The following TENM3 variants were observed in gnomAD, a reference collection of about 807,000 sequenced individuals.
TENM3 encodes teneurin transmembrane protein 3.
In TENM3, 63 loss-of-function variants were observed where a neutral mutation model predicts 255.1. The observed-to-expected ratio is 0.25, with a 90% CI of 0.20 to 0.30. The LOEUF (loss-of-function observed/expected upper bound fraction) is 0.30, where lower values mean the gene tolerates loss of function less well. Ranked by LOEUF, TENM3 falls within the 10% of genes least tolerant of loss-of-function variation. TENM3 has a pLI of 1.00. For synonymous variants in TENM3, 1,306 were observed against 1,322.3 expected, an observed-to-expected ratio of 0.99 and a Z score of 0.27; for missense variants, 2,929 against 3,461.1, an observed-to-expected ratio of 0.85 and a Z score of 3.86.
At chr4:181,941,311 G>GTTT in the TENM3 span, among the ~76,000 whole-genome samples, 4,163 of 119,558 alleles carry the variant, frequency 0.035, 110 homozygotes, top group African/African-American at 0.082. Flanking sequence ...TTTGTTTGAT[G>GTTT]TTTTTTTTTT....
rs760638289 is a variant in TENM3, at chr4:182,774,963, G to A, written c.5114G>A (p.Arg1705Lys). Residue 1705 changes from arginine to lysine, a missense_variant, in exon 24 of 28, where the codon AGA becomes AAA. This residue lies in a region of TENM3 where 1,608 missense variants were observed against 1,884.4 expected (regional missense o/e 0.85). Coordinates refer to ENST00000511685, the MANE Select transcript of TENM3 (RefSeq NM_001080477.4). ...SYQIGYDGSL[R>K]IIYASGLDSH... ...CAGATTGGTTATGACGGCTCCCTCA[G>A]AATTATCTACGCCAGTGGCCTGGAC... 6.2e-7 allele frequency: 1 copy of A among 1,613,870 alleles called. No homozygotes were observed. The highest frequency in any genetic ancestry group is 8.5e-7 in the Non-Finnish European group (1 of 1,179,824).
the TENM3 span, among the ~76,000 whole-genome samples, chr4:181,497,612 C>G: frequency 0.87 from 131,690 of 152,182 alleles, 57,255 homozygotes; most frequent in South Asian, 0.96. Flanking sequence ...TGGAGGAAGG[C>G]TGTTCAAATC....
At chr4:182,779,369 C>A (rs2152807123) in intron 24 of TENM3, among the ~76,000 whole-genome samples, 1 of 152,238 alleles carries the variant, frequency 6.6e-6, no homozygotes, top group South Asian at 2.1e-4. Flanking sequence ...TCATCCATGT[C>A]CCTACAAAGG....
intron 1 of TENM3, among the ~76,000 whole-genome samples, chr4:182,193,558 T>C (rs951497793): frequency 6.6e-6 from 1 of 152,254 alleles, no homozygotes; most frequent in Non-Finnish European, 1.5e-5. Flanking sequence ...AATAGCGTCC[T>C]GGCGTACATT....
chr4:181,656,587 T>C, the TENM3 span, among the ~76,000 whole-genome samples: 1 of 152,016 alleles, frequency 6.6e-6, no homozygotes, highest in Non-Finnish European at 1.5e-5. Flanking sequence ...TTTGAAAGGA[T>C]CCATCAGGCA....
the TENM3 span, among the ~76,000 whole-genome samples, chr4:182,111,384 A>G: frequency 1.3e-5 from 2 of 152,120 alleles, no homozygotes; most frequent in Non-Finnish European, 2.9e-5. Flanking sequence ...TTCATGGATC[A>G]TAGACATGAT....
chr4:182,339,983 T>C (rs1309510870), intron 2 of TENM3, among the ~76,000 whole-genome samples: 2 of 152,200 alleles, frequency 1.3e-5, no homozygotes, highest in Non-Finnish European at 2.9e-5. Flanking sequence ...GGTTGCCCCA[T>C]TAAATCCTTC....
At chr4:182,059,770 A>T in the TENM3 span, among the ~76,000 whole-genome samples, 6 of 146,870 alleles carry the variant, frequency 4.1e-5, no homozygotes, top group Non-Finnish European at 7.4e-5. Flanking sequence ...AAAGAAAAAA[A>T]AAAAAAAGAA....
intron 1 of TENM3, among the ~76,000 whole-genome samples, chr4:182,181,714 A>G (rs1752850693): frequency 6.6e-6 from 1 of 152,230 alleles, no homozygotes; most frequent in South Asian, 2.1e-4. Context: ...TGCAAATTCA[A>G]GATGACTGTT....
At chr4:182,727,296 A>C (rs1760280868) in intron 13 of TENM3, among the ~76,000 whole-genome samples, 1 of 152,030 alleles carries the variant, frequency 6.6e-6, no homozygotes, top group South Asian at 2.1e-4. Context: ...TCTCTACTAA[A>C]AATACAAAAA....
At chr4:182,398,633 A>G (rs1223720976) in intron 3 of TENM3, among the ~76,000 whole-genome samples, 2 of 152,196 alleles carry the variant, frequency 1.3e-5, no homozygotes, top group Admixed American at 6.5e-5. Context: ...CTTGATTGGC[A>G]GTGACTTGAA....
At chr4:182,432,125 CA>C (rs1163534371) in intron 3 of TENM3, among the ~76,000 whole-genome samples, 4 of 150,852 alleles carry the variant, frequency 2.7e-5, no homozygotes, top group Admixed American at 6.6e-5. Context: ...AAGTAAGAGC[CA>C]GGGGAATACA....
At chr4:182,244,421 A>G (rs552164783) in intron 1 of TENM3, among the ~76,000 whole-genome samples, 1 of 152,292 alleles carries the variant, frequency 6.6e-6, no homozygotes, top group East Asian at 1.9e-4. Context: ...TGTTAGAGTG[A>G]TTGACAGCTA....
intron 1 of TENM3, among the ~76,000 whole-genome samples, chr4:182,228,621 T>C (rs1756355778): frequency 6.6e-6 from 1 of 152,032 alleles, no homozygotes; most frequent in Non-Finnish European, 1.5e-5. Context: ...ATAAATTATC[T>C]AGTTATCAGG....
intron 3 of TENM3, among the ~76,000 whole-genome samples, chr4:182,591,596 C>T (rs1384116685): frequency 6.6e-6 from 1 of 152,148 alleles, no homozygotes; most frequent in South Asian, 2.1e-4. Flanking sequence ...AACTATCTGA[C>T]AGATATTTAC....
chr4:182,757,560 C>G (rs1402398589), intron 22 of TENM3, among the ~76,000 whole-genome samples: 1 of 152,088 alleles, frequency 6.6e-6, no homozygotes, highest in African/African-American at 2.4e-5. Flanking sequence ...CCTACAAATG[C>G]ATTTTAATCA....
chr4:182,217,496 G>A (rs13152117), intron 1 of TENM3, among the ~76,000 whole-genome samples: 28,718 of 152,152 alleles, frequency 0.19, 2,903 homozygotes, highest in Non-Finnish European at 0.21. Flanking sequence ...AGTGCCTGTG[G>A]TAACAATAAC....
At chr4:182,458,100 G>C (rs944705631) in intron 3 of TENM3, among the ~76,000 whole-genome samples, 1 of 152,018 alleles carries the variant, frequency 6.6e-6, no homozygotes, top group East Asian at 1.9e-4. Context: ...TATATGTTTT[G>C]TATTGTTCTC....
At chr4:182,548,752 GAC>G (rs1741709069) in intron 3 of TENM3, 1 of 151,970 alleles carries the variant, frequency 6.6e-6, no homozygotes, top group African/African-American at 2.4e-5. Flanking sequence ...TGAGTGCAAA[GAC>G]AGTCTTGGGA....
Sources: gnomAD v4.1 joint callset for allele counts (sites outside exome capture counted in the v4.1 genomes callset) on GRCh38, gnomAD v4.1.1 for gene constraint, gnomAD v4.1.1 regional missense constraint, MANE v1.5 for transcripts, NCBI Gene and HGNC (gene_info 2026-07-23, HGNC 2026-07-21) for gene names.